The following SUMF2 variants were observed in gnomAD, a reference collection of about 807,000 sequenced individuals.
SUMF2 encodes inactive C-alpha-formylglycine-generating enzyme 2.
In SUMF2, 45 loss-of-function variants were observed where a neutral mutation model predicts 44.8. That is an observed-to-expected ratio of 1.00 (90% CI 0.79 to 1.29). The LOEUF (loss-of-function observed/expected upper bound fraction) is 1.29, where lower values mean the gene tolerates loss of function less well. Ranked by LOEUF, SUMF2 falls within the 50% of genes most tolerant of loss-of-function variation. The probability of loss-of-function intolerance (pLI) is 0.00; values close to 1 mark genes in which losing one functional copy is unlikely to be tolerated. For missense variants in SUMF2, 418 were observed against 389.9 expected (o/e 1.07, Z -0.61); for synonymous variants, 148 against 150.4 (o/e 0.98, Z 0.12).
In SUMF2 at chr7:56,068,605, T is replaced by A; in HGVS notation, c.191T>A (p.Ile64Asn). 1.2e-6 allele frequency: 2 copies of A among 1,613,802 alleles called. No individual in the cohort carries two copies. Among genetic ancestry groups the A allele is most frequent in the Non-Finnish European group, 1.7e-6 (2 of 1,179,904 alleles). ...GAGGCGACAGTGAAACCCTTTGCCA[T>A]CGACATATTTCCTGTCACCAACAAA... Reference protein sequence around the residue: ...VREATVKPFAIDIFPVTNKDF... With the variant: ...VREATVKPFANDIFPVTNKDF... The change falls in exon 2 of 9, where the codon ATC becomes AAC. Residue 64 changes from isoleucine (I) to asparagine (N), a missense_variant. Physicochemically the swap from Ile to Asn is moderately radical, Grantham distance 149. Coordinates refer to ENST00000434526, the MANE Select transcript of SUMF2 (RefSeq NM_015411.4).
At chr7:56,074,137 C>G in intron 3 of SUMF2, 37 bp from the exon 4 acceptor site, 1 of 1,610,150 alleles carries the variant, frequency 6.2e-7, no homozygotes, top group Non-Finnish European at 8.5e-7. Flanking sequence ...TTTGCTGGGC[C>G]GGAGCATCTT....
intron 5 of SUMF2, 122 bp from the exon 6 acceptor site, chr7:56,076,712 T>G: frequency 1.2e-6 from 1 of 867,004 alleles, no homozygotes; most frequent in Non-Finnish European, 1.8e-6. Flanking sequence ...AAGCAGGTCA[T>G]TCACTCTTTT....
chr7:56,083,427 G>A, downstream of SUMF2: 1 of 1,614,172 alleles, frequency 6.2e-7, no homozygotes. Flanking sequence ...CTCCAGCAGA[G>A]CTCGCATGAT....
downstream of SUMF2, chr7:56,081,814 G>C: frequency 1.9e-6 from 3 of 1,608,474 alleles, no homozygotes; most frequent in Non-Finnish European, 1.7e-6. The surrounding 1 kb of genome is among the most constrained non-coding windows in gnomAD (Gnocchi z 4.6). Context: ...CAGCATGTCA[G>C]GAAAGGCAGG....
At chr7:56,073,835 C>T in intron 3 of SUMF2, 1 of 284,180 alleles carries the variant, frequency 3.5e-6, no homozygotes, top group Non-Finnish European at 6.6e-6. Flanking sequence ...ACATAGATCC[C>T]ATATCTACAA....
downstream of SUMF2, chr7:56,083,411 G>T (rs1796112362): frequency 1.2e-6 from 2 of 1,614,206 alleles, no homozygotes; most frequent in South Asian, 2.2e-5. Flanking sequence ...GCAAGGTGCA[G>T]ATCACCTCCA....
downstream of SUMF2, among the ~76,000 whole-genome samples, chr7:56,082,890 A>ACTTG: frequency 1.3e-5 from 2 of 151,696 alleles, no homozygotes; most frequent in Non-Finnish European, 2.9e-5. Context: ...GGCGGATCGT[A>ACTTG]AGGTCAGGAG....
chr7:56,074,769 C>T (rs1562866723), intron 5 of SUMF2, 33 bp downstream of exon 5: 3 of 1,612,938 alleles, frequency 1.9e-6, no homozygotes, highest in Non-Finnish European at 2.5e-6. Context: ...TTCCTTTATT[C>T]TTCTCCCCAT....
chr7:56,087,711 A>G, the SUMF2 span: 1 of 1,613,780 alleles, frequency 6.2e-7, no homozygotes, highest in Non-Finnish European at 8.5e-7. Context: ...GACGTCGATG[A>G]CCTTCACGGC....
chr7:56,077,363 C>A (rs559992135), intron 6 of SUMF2, among the ~76,000 whole-genome samples: 9 of 145,658 alleles, frequency 6.2e-5, no homozygotes, highest in South Asian at 2.4e-4. Flanking sequence ...TAAGTACTTT[C>A]TATTAAAGAG....
Position 56,073,114 on chromosome 7 carries a change from G to A in SUMF2, c.339+3G>A, listed in dbSNP as rs778109061. The A allele has an allele frequency of 6.2e-7, 1 of 1,612,182 alleles. No individual in the cohort carries two copies. On this transcript the variant is annotated splice_donor_region_variant and intron_variant, in intron 3 of 8. Transcript: ENST00000434526. ...ACAAAGCCACCCAGCCAATGAAGGT[G>A]AGAGAACCTGGTCTTGCAGCTGAGG...
chr7:56,078,960 A>G (rs951085628), intron 8 of SUMF2: 15 of 587,546 alleles, frequency 2.6e-5, no homozygotes, highest in Non-Finnish European at 4.6e-5. Context: ...GCAGTGGCAC[A>G]GTCTCAGCTC....
At chr7:56,073,257 C>CA (rs767353755) in intron 3 of SUMF2, 146 bp downstream of exon 3, 25 of 713,138 alleles carry the variant, frequency 3.5e-5, no homozygotes, top group Non-Finnish European at 2.0e-5. Context: ...CACCATGGAG[C>CA]GTCAGATCAG....
At chr7:56,068,057 C>G (rs1481727851) in intron 1 of SUMF2, among the ~76,000 whole-genome samples, 1 of 119,138 alleles carries the variant, frequency 8.4e-6, no homozygotes, top group East Asian at 2.6e-4. Flanking sequence ...TTTTTTGAGA[C>G]AGAGTCTCGC....
chr7:56,070,432 C>T (rs62457281), intron 2 of SUMF2, among the ~76,000 whole-genome samples: 27,242 of 151,156 alleles, frequency 0.18, 2,776 homozygotes, highest in Admixed American at 0.24. Context: ...TCGAGACCAT[C>T]CTGGGCAACA....
intron 5 of SUMF2, 113 bp downstream of exon 5, chr7:56,074,849 AC>A: frequency 3.7e-6 from 5 of 1,353,648 alleles, no homozygotes; most frequent in East Asian, 2.4e-5. Context: ...TGTAATCCCA[AC>A]ACTTTGGGAG....
chr7:56,068,282 G>A (rs1359064804), intron 1 of SUMF2, among the ~76,000 whole-genome samples, 200 bp from the exon 2 acceptor site: 40 of 151,762 alleles, frequency 2.6e-4, no homozygotes, highest in Middle Eastern at 3.4e-3. Context: ...TCATCTACCC[G>A]CCTCGGCCTC....
At chr7:56,087,194 TTTATTA>T in the SUMF2 span, among the ~76,000 whole-genome samples, 7,528 of 136,004 alleles carry the variant, frequency 0.055, 352 homozygotes, top group African/African-American at 0.12. Flanking sequence ...GCCCAGGGAC[TTTATTA>T]TTATTATTAT....
chr7:56,085,296 C>T (rs1056694057), downstream of SUMF2, among the ~76,000 whole-genome samples: 2 of 151,984 alleles, frequency 1.3e-5, no homozygotes, highest in African/African-American at 4.8e-5. Flanking sequence ...TGGGGTCTCA[C>T]TTTGTTGCCC....
Sources: allele counts gnomAD v4.1 joint callset (sites outside exome capture counted in the v4.1 genomes callset), GRCh38; gene constraint gnomAD v4.1.1; non-coding constraint Gnocchi (gnomAD v3.1); transcripts MANE v1.5; gene names NCBI Gene and HGNC (gene_info 2026-07-23, HGNC 2026-07-21).